Variants in PPP2R5C observed in about 807,000 individuals in gnomAD.
PPP2R5C encodes the protein serine/threonine-protein phosphatase 2A 56 kDa regulatory subunit gamma isoform.
PPP2R5C carries 7 observed loss-of-function variants against 68.9 expected under a neutral mutation model. That is an observed-to-expected ratio of 0.10 (90% CI 0.06 to 0.19). PPP2R5C has a LOEUF of 0.19. Among genes scored for constraint, PPP2R5C ranks in the 10% least tolerant of loss-of-function variants. The pLI is 1.00. For missense variants in PPP2R5C, 348 were observed against 641.3 expected (o/e 0.54, Z 4.94); for synonymous variants, 210 against 222.2 (o/e 0.95, Z 0.49).
intron 1 of PPP2R5C, among the ~76,000 whole-genome samples, chr14:101,816,548 G>A (rs919336223): frequency 5.9e-5 from 9 of 152,108 alleles, no homozygotes; most frequent in Non-Finnish European, 1.2e-4. Context: ...ACATTTTGAA[G>A]GCAGCTGGAG....
At chr14:101,832,943 A>G (rs2040841797) in intron 1 of PPP2R5C, among the ~76,000 whole-genome samples, 1 of 152,142 alleles carries the variant, frequency 6.6e-6, no homozygotes, top group African/African-American at 2.4e-5. Context: ...GGAAAATGGG[A>G]GTGATAACAG....
chr14:101,829,991 A>T (rs1263414451), intron 1 of PPP2R5C, among the ~76,000 whole-genome samples: 1 of 152,042 alleles, frequency 6.6e-6, no homozygotes, highest in Non-Finnish European at 1.5e-5. Flanking sequence ...GTCCTCTGTG[A>T]CCCAAGTTGT....
Position 101,835,169 on chromosome 14 carries a change from A to C in PPP2R5C, c.95-21517A>C, listed in dbSNP as rs926582885. Among the ~76,000 whole-genome samples, 1 of 152,140 alleles carries C rather than the reference A, an allele frequency of 6.6e-6. No homozygotes were observed. Among genetic ancestry groups the C allele is most frequent in the South Asian group, 2.1e-4 (1 of 4,828 alleles). ...TAGGCTGGACACTGGGCTGCTCCTC[A>C]TGGCGGTGGGAGCATGGGCTGCTCA... On this transcript the variant is annotated intron_variant, in intron 1 of 13. Coordinates refer to ENST00000334743, the Ensembl canonical transcript of PPP2R5C. The surrounding 1 kb of genome is among the most constrained non-coding windows in gnomAD (Gnocchi z 5.0).
intron 6 of PPP2R5C, among the ~76,000 whole-genome samples, 173 bp downstream of exon 8, chr14:101,890,469 C>T (rs955492193): frequency 3.9e-5 from 6 of 152,152 alleles, no homozygotes; most frequent in Non-Finnish European, 5.9e-5. Flanking sequence ...GATTAGAGCA[C>T]GCCAAATGAC....
intron 1 of PPP2R5C, chr14:101,836,145 G>A (rs1441871025): frequency 4.4e-6 from 3 of 686,300 alleles, no homozygotes; most frequent in African/African-American, 1.8e-5. Flanking sequence ...TTTCCTAGCA[G>A]CTGAAAGGTT....
intron 10 of PPP2R5C, among the ~76,000 whole-genome samples, chr14:101,908,644 G>A (rs1226493363): frequency 6.6e-6 from 1 of 151,726 alleles, no homozygotes; most frequent in Non-Finnish European, 1.5e-5. Flanking sequence ...ACGGTGCCGG[G>A]ACTACAGGTG....
At chr14:101,795,376 T>A (rs918338242) in intron 3 of PPP2R5C, among the ~76,000 whole-genome samples, 2 of 152,192 alleles carry the variant, frequency 1.3e-5, no homozygotes, top group African/African-American at 4.8e-5. Flanking sequence ...TAGAAAAAGG[T>A]ATTTCATATT....
rs140566813 is a variant in PPP2R5C at position 101,787,535 on chromosome 14, G to A, written c.259+1352G>A. Among the ~76,000 whole-genome samples, 1,002 of 152,156 alleles carry A rather than the reference G, an allele frequency of 6.6e-3. 9 individuals are homozygous for A. Among genetic ancestry groups the A allele is most frequent in the African/African-American group, 0.022 (931 of 41,490 alleles). On this transcript the variant is annotated intron_variant, in intron 3 of 14. Transcript: ENST00000328724. ...TCCCAGCACTTTGGGAGGCCAAGGC[G>A]GGCGGATCACGAGGTCAGGAGATCA...
In PPP2R5C at chr14:101,912,484, A is replaced by T. The variant is rs199560996; in HGVS notation, c.1326+11A>T. 8 of 1,600,356 alleles carry T rather than the reference A, an allele frequency of 5.0e-6. No homozygotes were observed. The highest frequency in any genetic ancestry group is 6.8e-6 in the Non-Finnish European group (8 of 1,176,430). ...AAAGCCAATCCCCAGGTACTAAAAA[A>T]GAGAATAACATGAAAACGCCCAGGG... On this transcript the variant is annotated intron_variant, in intron 12 of 13. Coordinates refer to ENST00000334743, the Ensembl canonical transcript of PPP2R5C.
intron 2 of PPP2R5C, among the ~76,000 whole-genome samples, chr14:101,870,062 T>TGAG (rs780365996): frequency 0.041 from 5,802 of 142,928 alleles, 183 homozygotes; most frequent in South Asian, 0.082. Context: ...TTTTTTTTTT[T>TGAG]TTTTGAGTTT....
At chr14:101,777,266 T>C (rs1256679811) in intron 2 of PPP2R5C, among the ~76,000 whole-genome samples, 1 of 152,212 alleles carries the variant, frequency 6.6e-6, no homozygotes, top group Non-Finnish European at 1.5e-5. Flanking sequence ...GTGAACATTG[T>C]GTACCGATTT....
chr14:101,919,600 T>C (rs1426522243), intron 13 of PPP2R5C, among the ~76,000 whole-genome samples: 1 of 152,174 alleles, frequency 6.6e-6, no homozygotes, highest in Non-Finnish European at 1.5e-5. Flanking sequence ...TCGGTGTCTC[T>C]TCTGTGAGGG....
In PPP2R5C at chr14:101,851,963, A is replaced by G. The variant is rs1281886877; in HGVS notation, c.95-4723A>G. Reference sequence around the variant, plus strand: ...TCTCACTCCCTTCTGTAATTGAGGTACATGTTGCTAGCAACATCGGTGAAG... The same window carrying G: ...TCTCACTCCCTTCTGTAATTGAGGTGCATGTTGCTAGCAACATCGGTGAAG... On this transcript the variant is annotated intron_variant, in intron 1 of 13. Transcript: ENST00000334743. Among the ~76,000 whole-genome samples, 5 of 152,302 alleles carry G rather than the reference A, an allele frequency of 3.3e-5. No homozygotes were observed. In the East Asian group the frequency reaches 9.6e-4, roughly 29 times the overall value.
chr14:101,833,360 A>G (rs966886358), intron 1 of PPP2R5C: 2 of 152,246 alleles, frequency 1.3e-5, no homozygotes, highest in Admixed American at 6.5e-5. Flanking sequence ...TGTCTTGGCC[A>G]GCTCTGATTG....
Position 101,883,049 on chromosome 14 carries a change from G to A in PPP2R5C, c.406-208G>A, listed in dbSNP as rs183290057. On this transcript the variant is annotated intron_variant, in intron 3 of 13. Transcript: ENST00000334743. Reference sequence around the variant, plus strand: ...ATCATTTTGTTTAAATGCCGTTTAAGGGTGTAGTCTGTGGGTTTCACCAAA... The same window carrying A: ...ATCATTTTGTTTAAATGCCGTTTAAAGGTGTAGTCTGTGGGTTTCACCAAA... 217 of 514,842 alleles carry A rather than the reference G, an allele frequency of 4.2e-4. 2 individuals carry two copies. The East Asian group carries it at 7.2e-3, about 17-fold the overall frequency. The allele number at this position is 514,842 out of a possible 1,614,324, so 31.9% of individuals were successfully genotyped here.
chr14:101,909,542 C>T, intron 10 of PPP2R5C, 47 bp from the exon 13 acceptor site: 3 of 1,351,534 alleles, frequency 2.2e-6, no homozygotes, highest in Non-Finnish European at 3.2e-6. Context: ...GGCGAGGGCT[C>T]AGCAGGAATG....
chr14:101,767,955 A>AC, intron 2 of PPP2R5C, among the ~76,000 whole-genome samples: 1 of 152,200 alleles, frequency 6.6e-6, no homozygotes, highest in East Asian at 1.9e-4. Context: ...AGGTCGGTAG[A>AC]CCCCAGGTAC....
chr14:101,824,681 TTCAC>T (rs1447524989), intron 1 of PPP2R5C, among the ~76,000 whole-genome samples: 1 of 152,254 alleles, frequency 6.6e-6, no homozygotes, highest in South Asian at 2.1e-4. Context: ...AAAGCTGTAT[TTCAC>T]TCACTCACTA....
In PPP2R5C at chr14:101,917,837, G is replaced by C. The variant is rs1051800267; in HGVS notation, c.1333G>C (p.Val445Leu). Residue 445 changes from valine to leucine, a missense_variant, in exon 13 of 14, where the codon GTG (valine) becomes CTG (leucine). Coordinates refer to ENST00000334743, the Ensembl canonical transcript of PPP2R5C. This position sits in a 1 kb window ranked among gnomAD's most constrained non-coding sequence, Gnocchi z 4.4. ...TCCACGCTTTGCATTGCAGTACACA[G>C]TGTATAGTCAAGCCAGCACCATGAG... 6.2e-7 allele frequency: 1 copy of C among 1,613,540 alleles called. No homozygotes were observed. Among genetic ancestry groups the C allele is most frequent in the Non-Finnish European group, 8.5e-7 (1 of 1,179,674 alleles).
Sources: gnomAD v4.1 joint callset for allele counts (sites outside exome capture counted in the v4.1 genomes callset) on GRCh38, gnomAD v4.1.1 for gene constraint, Gnocchi (gnomAD v3.1) non-coding constraint, MANE v1.5 for transcripts, NCBI Gene and HGNC (gene_info 2026-07-23, HGNC 2026-07-21) for gene names.